GINS3: variants seen among roughly 807,000 people sequenced by gnomAD.
The protein encoded by GINS3 is DNA replication complex GINS protein PSF3.
In GINS3, 18 loss-of-function variants were observed where a neutral mutation model predicts 20.0. The ratio of observed to expected loss-of-function variants is 0.90; its 90% CI spans 0.62 to 1.33. GINS3 has a LOEUF of 1.33. Ranked by LOEUF, GINS3 falls within the 40% of genes most tolerant of loss-of-function variation. GINS3 has a pLI of 0.00. For synonymous variants in GINS3, 109 were observed against 107.0 expected (o/e 1.02, Z -0.12); for missense variants, 254 against 273.6 (o/e 0.93, Z 0.51).
chr16:58,396,918 G>T (rs1234647478), intron 1 of GINS3, among the ~76,000 whole-genome samples: 1 of 149,628 alleles, frequency 6.7e-6, no homozygotes, highest in African/African-American at 2.5e-5. Context: ...TCCCGGACGG[G>T]GCGGCTGGCC....
Position 58,403,885 on chromosome 16 carries a change from T to C in GINS3, c.420+554T>C, listed in dbSNP as rs1965990249. 4 of 159,910 alleles carry C rather than the reference T, an allele frequency of 2.5e-5. No homozygotes were observed. The South Asian group carries it at 7.2e-4, about 29-fold the overall frequency. 9.9% of individuals were successfully genotyped at this position (159,910 alleles called of 1,614,324 possible). On this transcript the variant is annotated intron_variant, in intron 2 of 2. Coordinates refer to ENST00000318129, the MANE Select transcript of GINS3 (RefSeq NM_022770.4). ...TTGTTCTGGGGTTAGGGCTTGGCCC[T>C]GCCATGAACTAGCAATATGACTTGG...
intron 1 of GINS3, among the ~76,000 whole-genome samples, chr16:58,394,903 C>G (rs1965828538): frequency 2.0e-5 from 3 of 152,158 alleles, no homozygotes; most frequent in Admixed American, 2.0e-4. Flanking sequence ...TGTTCCACTT[C>G]TTTGAGTGCA....
intron 1 of GINS3, chr16:58,395,348 AATTG>A (rs1160538296): frequency 6.2e-5 from 8 of 129,454 alleles, no homozygotes; most frequent in Non-Finnish European, 1.1e-4. Flanking sequence ...TTTTTTTTTT[AATTG>A]ATCATTCTTG....
chr16:58,397,739 T>C (rs899299783), intron 1 of GINS3, among the ~76,000 whole-genome samples: 16 of 152,008 alleles, frequency 1.1e-4, no homozygotes, highest in African/African-American at 3.4e-4. Flanking sequence ...GAGGTTGCAG[T>C]GAGCCGAGAT....
Position 58,392,767 on chromosome 16 carries a change from A to C in GINS3, c.166A>C (p.Thr56Pro). 6.2e-7 allele frequency: 1 copy of C among 1,610,382 alleles called. No homozygotes were observed. The highest frequency in any genetic ancestry group is 8.5e-7 in the Non-Finnish European group (1 of 1,179,104). The change falls in exon 1 of 3, where the codon ACT (threonine) becomes CCT (proline). Residue 56 changes from threonine to proline, a missense_variant. Coordinates refer to ENST00000318129, the MANE Select transcript of GINS3 (RefSeq NM_022770.4). ...FFLERSAGAE[T>P]DNAVPQGSKL... ...CCTGGAGCGGAGCGCAGGCGCCGAG[A>C]CTGACAACGCGGTCCCACAGGTGAG...
At chr16:58,402,115 T>C (rs1342114743) in intron 1 of GINS3, among the ~76,000 whole-genome samples, 3 of 152,236 alleles carry the variant, frequency 2.0e-5, no homozygotes, top group African/African-American at 7.2e-5. Flanking sequence ...TTATTTTCTA[T>C]TGACCTTTTC....
chr16:58,401,605 A>G (rs944224290), intron 1 of GINS3, among the ~76,000 whole-genome samples: 3 of 152,204 alleles, frequency 2.0e-5, no homozygotes, highest in Admixed American at 1.3e-4. Flanking sequence ...TTAGCTAGAT[A>G]CAGAGCACTG....
chr16:58,397,974 C>T lies in GINS3; in HGVS notation c.187-5124C>T, dbSNP rs369540509. Among the ~76,000 whole-genome samples the T allele has an allele frequency of 1.8e-4, 27 of 152,174 alleles. No homozygotes were observed. The East Asian group carries it at 2.9e-3, about 16-fold the overall frequency. On this transcript the variant is annotated intron_variant, in intron 1 of 2. Coordinates refer to ENST00000318129, the MANE Select transcript of GINS3 (RefSeq NM_022770.4). ...TTTTAATATCAATAAATTGTGTTCT[C>T]CCTTTCTTGATTACCCTTGCCAGGA...
intron 1 of GINS3, among the ~76,000 whole-genome samples, chr16:58,396,570 C>A (rs1175164523): frequency 2.1e-5 from 1 of 48,306 alleles, no homozygotes; most frequent in Non-Finnish European, 4.0e-5. Context: ...GGGGGCTGAT[C>A]CCCCCCACCT....
intron 1 of GINS3, among the ~76,000 whole-genome samples, chr16:58,395,990 G>A (rs1324361937): frequency 6.7e-5 from 10 of 149,704 alleles, no homozygotes; most frequent in Non-Finnish European, 1.5e-4. Flanking sequence ...CCCGGACAGG[G>A]CGGCTGGCTG....
chr16:58,403,403 C>T (rs1965984254), intron 2 of GINS3, 72 bp downstream of exon 2: 1 of 1,191,718 alleles, frequency 8.4e-7, no homozygotes, highest in Non-Finnish European at 1.2e-6. Context: ...TACTTTTACC[C>T]AGGACAGTGT....
rs1298318375 is a variant in GINS3, at chr16:58,396,576, C to G, written c.186+3789C>G. On this transcript the variant is annotated intron_variant, in intron 1 of 2. Coordinates refer to ENST00000318129, the MANE Select transcript of GINS3 (RefSeq NM_022770.4). ...TGGTCGGGCGGGGGCTGATCCCCCCCACCTCCCTCCCGGACGGGGCGGCTG... is the reference window on the plus strand; with the variant it reads ...TGGTCGGGCGGGGGCTGATCCCCCCGACCTCCCTCCCGGACGGGGCGGCTG... 1.9e-3 allele frequency among the ~76,000 whole-genome samples: 141 copies of G among 75,022 alleles called. 8 individuals are homozygous for G. The highest frequency in any genetic ancestry group is 3.0e-3 in the Non-Finnish European group (111 of 37,020). The allele number at this position is 75,022 out of a possible 152,430, so 49.2% of individuals were successfully genotyped here.
At chr16:58,396,521 C>G (rs1318864419) in intron 1 of GINS3, among the ~76,000 whole-genome samples, 5 of 43,298 alleles carry the variant, frequency 1.2e-4, no homozygotes, top group Non-Finnish European at 2.1e-4. Context: ...CGGGGGCTGA[C>G]CCCCCCACCT....
intron 2 of GINS3, 159 bp downstream of exon 2, chr16:58,403,490 T>TACACAC (rs112280214): frequency 2.9e-4 from 165 of 563,570 alleles, no homozygotes; most frequent in African/African-American, 2.7e-3. Context: ...TATATTTACA[T>TACACAC]ATATACACAC....
At chr16:58,399,783 T>G (rs1316942263) in intron 1 of GINS3, among the ~76,000 whole-genome samples, 1 of 152,186 alleles carries the variant, frequency 6.6e-6, no homozygotes, top group African/African-American at 2.4e-5. Flanking sequence ...TTCTGTTATT[T>G]TAGTGGCTAC....
At chr16:58,403,053 G>A (rs2151495351) in intron 1 of GINS3, 45 bp from the exon 2 acceptor site, 1 of 1,478,260 alleles carries the variant, frequency 6.8e-7, no homozygotes, top group Non-Finnish European at 9.4e-7. Context: ...CACATTTGCT[G>A]TGTTACTTGT....
At chr16:58,403,516 C>G in intron 2 of GINS3, 185 bp downstream of exon 2, 2 of 572,458 alleles carry the variant, frequency 3.5e-6, no homozygotes. Flanking sequence ...CACACACACA[C>G]ACACATTTTT....
intron 1 of GINS3, among the ~76,000 whole-genome samples, chr16:58,398,400 G>A (rs556427456): frequency 2.0e-5 from 3 of 152,078 alleles, no homozygotes; most frequent in Non-Finnish European, 2.9e-5. Flanking sequence ...TTGAGCCCAG[G>A]AGTTCGAGAC....
At chr16:58,397,898 T>C (rs1965904885) in intron 1 of GINS3, among the ~76,000 whole-genome samples, 3 of 152,202 alleles carry the variant, frequency 2.0e-5, no homozygotes. Context: ...CAGAATTTCC[T>C]TTACTATCTT....
Sources: gnomAD v4.1 joint callset for allele counts (sites outside exome capture counted in the v4.1 genomes callset) on GRCh38, gnomAD v4.1.1 for gene constraint, MANE v1.5 for transcripts, NCBI Gene and HGNC (gene_info 2026-07-23, HGNC 2026-07-21) for gene names.